SVIL: variants seen among roughly 807,000 people sequenced by gnomAD.
SVIL encodes archvillin.
A neutral mutation model predicts 240.4 loss-of-function variants in SVIL; 101 were observed. That is an observed-to-expected ratio of 0.42 (90% CI 0.36 to 0.50). The LOEUF is 0.50. Among genes scored for constraint, SVIL ranks in the 20% least tolerant of loss-of-function variants. The pLI is 0.01. For synonymous variants in SVIL, 999 were observed against 1,100.0 expected (o/e 0.91, Z 1.82); for missense variants, 2,512 against 2,818.7 (o/e 0.89, Z 2.46).
intron 17 of SVIL, among the ~76,000 whole-genome samples, chr10:29,507,250 A>G (rs1324748743): frequency 6.6e-6 from 1 of 152,088 alleles, no homozygotes; most frequent in Non-Finnish European, 1.5e-5. Flanking sequence ...CTCCTCCTCT[A>G]TGAACTGAGT....
chr10:29,488,512 C>T (rs1564501750), intron 23 of SVIL, 89 bp downstream of exon 23: 2 of 1,377,358 alleles, frequency 1.5e-6, no homozygotes, highest in East Asian at 2.8e-5. Flanking sequence ...TTTCCCGGCA[C>T]AGGCAATGAA....
intron 1 of SVIL, among the ~76,000 whole-genome samples, chr10:29,701,001 C>T (rs1319500261): frequency 2.6e-5 from 4 of 152,284 alleles, no homozygotes; most frequent in East Asian, 1.9e-4. Context: ...CCAGCCCTGC[C>T]GCCTGTGTTT....
chr10:29,472,737 G>A (rs1945728232), intron 30 of SVIL, among the ~76,000 whole-genome samples: 1 of 152,128 alleles, frequency 6.6e-6, no homozygotes, highest in Non-Finnish European at 1.5e-5. Context: ...CTTGGATCTG[G>A]GCAGCAGTCC....
intron 1 of SVIL, among the ~76,000 whole-genome samples, chr10:29,602,734 C>G (rs1956863599): frequency 6.6e-6 from 1 of 151,882 alleles, no homozygotes; most frequent in African/African-American, 2.4e-5. Flanking sequence ...GCCTGTAATC[C>G]CAGCACTTCG....
At chr10:29,678,926 C>T (rs1468730417) in intron 2 of SVIL, among the ~76,000 whole-genome samples, 1 of 152,056 alleles carries the variant, frequency 6.6e-6, no homozygotes, top group Non-Finnish European at 1.5e-5. Context: ...ACCTGGGTGG[C>T]CAGGCACAGT....
chr10:29,639,225 G>A (rs573346775), upstream of SVIL, among the ~76,000 whole-genome samples: 3 of 152,252 alleles, frequency 2.0e-5, no homozygotes, highest in Non-Finnish European at 2.9e-5. Flanking sequence ...AGGCTGGAGT[G>A]CAGTGGCGCG....
chr10:29,530,725 TC>T, intron 10 of SVIL, 57 bp from the exon 11 acceptor site: 1 of 1,599,948 alleles, frequency 6.3e-7, no homozygotes, highest in South Asian at 1.1e-5. Context: ...AAGTTCGGTC[TC>T]CAAAAAGTCT....
intron 1 of SVIL, among the ~76,000 whole-genome samples, chr10:29,633,861 G>T (rs923550051): frequency 1.3e-4 from 20 of 152,112 alleles, no homozygotes; most frequent in African/African-American, 4.6e-4. Flanking sequence ...AGAACCTACA[G>T]TGAGGTTTTT....
chr10:29,600,355 T>C (rs1334277854), intron 1 of SVIL, among the ~76,000 whole-genome samples: 1 of 152,222 alleles, frequency 6.6e-6, no homozygotes, highest in African/African-American at 2.4e-5. Flanking sequence ...GAGCTGAGCA[T>C]TGTTAGACCC....
intron 1 of SVIL, among the ~76,000 whole-genome samples, chr10:29,733,439 C>T (rs2132724749): frequency 6.6e-6 from 1 of 152,232 alleles, no homozygotes; most frequent in South Asian, 2.1e-4. Flanking sequence ...ATCCTCCCAC[C>T]TCAGCATCCC....
chr10:29,614,496 T>C (rs1957363029), intron 1 of SVIL, among the ~76,000 whole-genome samples: 1 of 151,994 alleles, frequency 6.6e-6, no homozygotes, highest in East Asian at 1.9e-4. Flanking sequence ...AAAGGATGAG[T>C]TCATGTCCTT....
At chr10:29,521,009 G>A (rs2132523882) in intron 16 of SVIL, among the ~76,000 whole-genome samples, 1 of 151,850 alleles carries the variant, frequency 6.6e-6, no homozygotes, top group Non-Finnish European at 1.5e-5. Context: ...GGATCAGGAG[G>A]TCAGGAGATC....
chr10:29,533,595 C>T, intron 7 of SVIL, 137 bp from the exon 8 acceptor site: 1 of 1,383,486 alleles, frequency 7.2e-7, no homozygotes, highest in Admixed American at 2.8e-5. Flanking sequence ...ATTTTGGTGT[C>T]TAATGTCAAC....
chr10:29,606,320 C>A (rs76674739), intron 1 of SVIL, among the ~76,000 whole-genome samples: 6,610 of 152,262 alleles, frequency 0.043, 226 homozygotes, highest in Admixed American at 0.085. Flanking sequence ...GCTGGGATTA[C>A]AGACACTGGC....
chr10:29,573,249 T>G (rs1955531579), intron 1 of SVIL, among the ~76,000 whole-genome samples: 2 of 152,314 alleles, frequency 1.3e-5, no homozygotes, highest in East Asian at 1.9e-4. Flanking sequence ...GTACACATTT[T>G]TTTTAATTGT....
At position 29,462,357 on chromosome 10, in the gene SVIL, C is replaced by T. The variant is rs780768343; in HGVS notation, c.6322G>A (p.Ala2108Thr). ...GTGAATGTCAGGGGCTCCAGACCAG[C>T]GTGGATAAGGTAAGACTTGGGGGCT... ...KPAPKSYLIH[A>T]GLEPLTFTNM... Residue 2108 changes from alanine to threonine, a missense_variant, in exon 36 of 38, where the codon GCT (alanine) becomes ACT (threonine). Coordinates refer to ENST00000355867, the MANE Select transcript of SVIL (RefSeq NM_021738.3). The T allele has an allele frequency of 5.0e-6, 8 of 1,613,990 alleles. No homozygotes were observed. The South Asian group carries it at 5.5e-5, about 11-fold the overall frequency.
chr10:29,564,077 G>A (rs1193815351), intron 2 of SVIL, among the ~76,000 whole-genome samples: 2 of 147,878 alleles, frequency 1.4e-5, no homozygotes, highest in East Asian at 4.3e-4. Context: ...CCCTCCACAC[G>A]GCCCTGCAAA....
In SVIL at chr10:29,717,534, T is replaced by A. The variant is rs557751088; in HGVS notation, c.-400+18217A>T. 9.2e-5 allele frequency among the ~76,000 whole-genome samples: 14 copies of A among 152,330 alleles called. No homozygotes were observed. In the East Asian group the frequency reaches 2.5e-3, roughly 27 times the overall value. The stretch of plus-strand genomic sequence containing the variant: ...AAATCCATAAGAAAATGTTGGGGAA[T>A]ACTTTGTTGATATTGATAAATTTAG... On this transcript the variant is annotated intron_variant, in intron 1 of 35. Coordinates refer to the SVIL transcript ENST00000375400.
Position 29,486,413 on chromosome 10 carries a change from G to A in SVIL, c.4630C>T (p.Gln1544Ter), listed in dbSNP as rs762471655. The A allele has an allele frequency of 6.2e-7, 1 of 1,614,126 alleles. No homozygotes were observed. ...CTGAAGTACAATGAAGTCTTACATT[G>A]GTAACTGGTTTGGCCACCCAGAAGC... ...WKLLGGQTSY[Q>*]SAGDPKEDEL... The change falls in exon 25 of 38, where the codon CAA (glutamine) becomes TAA (stop). Residue 1544 changes from glutamine to a stop codon, truncating the protein, a stop_gained. Coordinates refer to ENST00000355867, the MANE Select transcript of SVIL (RefSeq NM_021738.3). LOFTEE classifies it high-confidence loss of function.
Sources: allele counts gnomAD v4.1 joint callset (sites outside exome capture counted in the v4.1 genomes callset), GRCh38; gene constraint gnomAD v4.1.1; transcripts MANE v1.5; gene names NCBI Gene and HGNC (gene_info 2026-07-23, HGNC 2026-07-21).